RANBP2: variants seen among roughly 807,000 people sequenced by gnomAD.
The protein encoded by RANBP2 is E3 SUMO-protein ligase RanBP2.
In RANBP2, 57 loss-of-function variants were observed where a neutral mutation model predicts 303.6. The ratio of observed to expected loss-of-function variants is 0.19; its 90% CI spans 0.15 to 0.23. RANBP2 has a LOEUF of 0.23. Ranked by LOEUF, RANBP2 falls within the 10% of genes least tolerant of loss-of-function variation. The pLI is 1.00. For synonymous variants in RANBP2, 1,167 were observed against 1,301.5 expected (o/e 0.90, Z 2.23); for missense variants, 3,138 against 3,780.8 (o/e 0.83, Z 4.46).
chr2:108,941,616 G>A, the RANBP2 span, among the ~76,000 whole-genome samples: 1 of 152,202 alleles, frequency 6.6e-6, no homozygotes, highest in East Asian at 1.9e-4. Flanking sequence ...GAAGAAAAAC[G>A]ATCTCCTTGG....
At chr2:108,799,316 T>C in the RANBP2 span, among the ~76,000 whole-genome samples, 11 of 152,342 alleles carry the variant, frequency 7.2e-5, 1 homozygote, top group East Asian at 1.7e-3. Context: ...ACTGTACATA[T>C]AACTTACTTG....
chr2:108,857,003 G>A, the RANBP2 span: 3 of 1,101,684 alleles, frequency 2.7e-6, no homozygotes, highest in East Asian at 4.6e-5. Context: ...TGTAAAGAAA[G>A]CAGGATGATT....
chr2:109,292,081 T>G, the RANBP2 span, among the ~76,000 whole-genome samples: 1 of 152,198 alleles, frequency 6.6e-6, no homozygotes, highest in Non-Finnish European at 1.5e-5. Flanking sequence ...GCCAGGATGG[T>G]CTCGATCTCC....
At chr2:109,111,923 A>G in the RANBP2 span, among the ~76,000 whole-genome samples, 1 of 151,712 alleles carries the variant, frequency 6.6e-6, no homozygotes, top group African/African-American at 2.4e-5. Context: ...GAGAATGATG[A>G]TTTCCAATTT....
chr2:108,751,611 A>T lies in RANBP2; in HGVS notation c.1539A>T (p.Leu513Phe). The change falls in exon 11 of 29, where the codon TTA becomes TTT. Residue 513 changes from leucine to phenylalanine, a missense_variant. Physicochemically the swap from Leu to Phe is conservative, Grantham distance 22. Coordinates refer to ENST00000283195, the MANE Select transcript of RANBP2 (RefSeq NM_006267.5). ...CTCACCACAGCTCCTATCAGCCGTTATGCCTGCCCCTTCCTGTGTGTAAAC... is the reference window on the plus strand; with the variant it reads ...CTCACCACAGCTCCTATCAGCCGTTTTGCCTGCCCCTTCCTGTGTGTAAAC... The part of the protein sequence containing the change: ...CNSHHSSYQP[L>F]CLPLPVCKQL... 1.2e-6 allele frequency: 2 copies of T among 1,611,120 alleles called. No homozygotes were observed. Among genetic ancestry groups the T allele is most frequent in the Non-Finnish European group, 1.7e-6 (2 of 1,179,212 alleles).
the RANBP2 span, among the ~76,000 whole-genome samples, chr2:109,592,671 T>A: frequency 2.0e-5 from 3 of 150,244 alleles, no homozygotes; most frequent in Admixed American, 1.3e-4. Flanking sequence ...TCCCAGCTAC[T>A]CGGGAGGCTG....
chr2:108,852,796 T>C, the RANBP2 span, among the ~76,000 whole-genome samples: 5 of 152,098 alleles, frequency 3.3e-5, no homozygotes, highest in African/African-American at 4.8e-5. Flanking sequence ...TAATGGGTAC[T>C]AGTCTTAATA....
At chr2:109,507,637 C>T in the RANBP2 span, among the ~76,000 whole-genome samples, 2 of 152,214 alleles carry the variant, frequency 1.3e-5, no homozygotes, top group Non-Finnish European at 2.9e-5. Flanking sequence ...ATCCTGGGCT[C>T]GGCCCTAAAG....
At chr2:109,517,214 G>A in the RANBP2 span, among the ~76,000 whole-genome samples, 2 of 152,124 alleles carry the variant, frequency 1.3e-5, no homozygotes, top group South Asian at 4.1e-4. Flanking sequence ...GGAAGCTGCT[G>A]TCCTCCCCTG....
the RANBP2 span, among the ~76,000 whole-genome samples, chr2:109,064,477 A>AAC: frequency 6.1e-5 from 9 of 148,232 alleles, 1 homozygote; most frequent in Admixed American, 1.3e-4. Flanking sequence ...AAAAACAAAA[A>AAC]CAAACTGGTA....
chr2:109,708,660 A>T, the RANBP2 span, among the ~76,000 whole-genome samples: 4 of 151,982 alleles, frequency 2.6e-5, no homozygotes, highest in African/African-American at 4.8e-5. Flanking sequence ...CAAAATAAAT[A>T]AATTAATTAA....
chr2:109,362,973 G>A, the RANBP2 span, among the ~76,000 whole-genome samples: 1 of 152,000 alleles, frequency 6.6e-6, no homozygotes, highest in Admixed American at 6.5e-5. Context: ...TAGATTTCTT[G>A]TAAACAACAT....
At chr2:109,094,848 A>G in the RANBP2 span, among the ~76,000 whole-genome samples, 1 of 152,198 alleles carries the variant, frequency 6.6e-6, no homozygotes, top group Non-Finnish European at 1.5e-5. Context: ...CAAACAAACA[A>G]ACAAAAAAAC....
the RANBP2 span, among the ~76,000 whole-genome samples, chr2:109,551,755 A>G: frequency 6.6e-6 from 1 of 152,248 alleles, no homozygotes; most frequent in African/African-American, 2.4e-5. Context: ...CTGTAAGTGT[A>G]TTTGAAATAA....
At chr2:109,722,818 T>A in the RANBP2 span, among the ~76,000 whole-genome samples, 2 of 152,254 alleles carry the variant, frequency 1.3e-5, no homozygotes, top group African/African-American at 4.8e-5. Flanking sequence ...ATCTTGTTCC[T>A]TTTTATGGCT....
chr2:108,839,648 ATTGTC>A, the RANBP2 span, among the ~76,000 whole-genome samples: 38 of 152,128 alleles, frequency 2.5e-4, no homozygotes, highest in African/African-American at 8.2e-4. Flanking sequence ...TTTAGTTGGT[ATTGTC>A]TTTTTACTGT....
chr2:109,697,993 G>A, the RANBP2 span, among the ~76,000 whole-genome samples: 1 of 151,730 alleles, frequency 6.6e-6, no homozygotes, highest in Admixed American at 6.6e-5. Flanking sequence ...CCAAGTAGCT[G>A]GGATTACAGG....
At chr2:109,499,230 G>A in the RANBP2 span, among the ~76,000 whole-genome samples, 231 of 152,266 alleles carry the variant, frequency 1.5e-3, no homozygotes, top group African/African-American at 5.3e-3. Flanking sequence ...CAGCCTCGGC[G>A]TCTGTGGAGA....
chr2:109,321,930 G>A, the RANBP2 span, among the ~76,000 whole-genome samples: 1 of 152,128 alleles, frequency 6.6e-6, no homozygotes, highest in Admixed American at 6.5e-5. Context: ...GGGGAGATGG[G>A]GCCCTTTTCT....
Sources: allele counts gnomAD v4.1 joint callset (sites outside exome capture counted in the v4.1 genomes callset), GRCh38; gene constraint gnomAD v4.1.1; transcripts MANE v1.5; gene names NCBI Gene and HGNC (gene_info 2026-07-23, HGNC 2026-07-21).